Variants in EPS8 observed in about 807,000 individuals in gnomAD.
The protein encoded by EPS8 is epidermal growth factor receptor kinase substrate 8.
In EPS8, 42 loss-of-function variants were observed where a neutral mutation model predicts 103.8. That is an observed-to-expected ratio of 0.40 (90% CI 0.32 to 0.52). The LOEUF (loss-of-function observed/expected upper bound fraction) is 0.52. Among genes scored for constraint, EPS8 ranks in the 20% least tolerant of loss-of-function variants. The pLI is 0.40. For missense variants in EPS8, 969 were observed against 1,005.1 expected (o/e 0.96, Z 0.49); for synonymous variants, 344 against 344.6 (o/e 1.00, Z 0.02).
chr12:15,753,990 C>A (rs1222030480), intron 1 of EPS8, among the ~76,000 whole-genome samples: 1 of 152,196 alleles, frequency 6.6e-6, no homozygotes, highest in African/African-American at 2.4e-5. Context: ...AGGCCAGAGC[C>A]AATGGTTCAC....
rs1944852833 is a variant in EPS8 at position 15,620,973 on chromosome 12, C to T, written c.*344G>A. On this transcript the variant is annotated 3_prime_UTR_variant, in exon 21 of 21. Transcript: ENST00000281172. ...TGCTTAGATTTTGAATCATGGACAA[C>T]ATTGTTGCTTTGTTGCAGTGAATAA... The T allele has an allele frequency of 5.2e-6, 1 of 192,178 alleles. No homozygotes were observed. The highest frequency in any genetic ancestry group is 2.4e-5 in the African/African-American group (1 of 42,368). 11.9% of individuals were successfully genotyped at this position (192,178 alleles called of 1,614,324 possible).
intron 6 of EPS8, among the ~76,000 whole-genome samples, chr12:15,667,300 G>T (rs1945731667): frequency 6.6e-6 from 1 of 152,072 alleles, no homozygotes; most frequent in Admixed American, 6.6e-5. Context: ...CTTTAGAAAT[G>T]ATGGGATATT....
At chr12:15,722,744 C>T (rs1591896387) in intron 1 of EPS8, among the ~76,000 whole-genome samples, 1 of 152,296 alleles carries the variant, frequency 6.6e-6, no homozygotes, top group East Asian at 1.9e-4. Flanking sequence ...TGGTGCCTTC[C>T]TTCTACCAGT....
Position 15,690,769 on chromosome 12 carries a change from C to G in EPS8, c.-21-7797G>C, listed in dbSNP as rs1165877711. Among the ~76,000 whole-genome samples, 1 of 152,146 alleles carries G rather than the reference C, an allele frequency of 6.6e-6. No individual in the cohort carries two copies. The highest frequency in any genetic ancestry group is 1.5e-5 in the Non-Finnish European group (1 of 68,026). On this transcript the variant is annotated intron_variant, in intron 1 of 20. Transcript: ENST00000281172. The surrounding 1 kb of genome is among the most constrained non-coding windows in gnomAD (Gnocchi z 4.7). ...ACGACTAAGCAGGTAAGTTAAAACC[C>G]TCAATTCTTAACTGTTCCTTCTTCC...
In EPS8 at chr12:15,776,222, G is replaced by A. The variant is rs528283982; in HGVS notation, c.-22+12939C>T. Among the ~76,000 whole-genome samples, 2 of 152,270 alleles carry A rather than the reference G, an allele frequency of 1.3e-5. No homozygotes were observed. The highest frequency in any genetic ancestry group is 3.9e-4 in the East Asian group (2 of 5,188). On this transcript the variant is annotated intron_variant, in intron 1 of 20. Transcript: ENST00000281172. This position sits in a 1 kb window ranked among gnomAD's most constrained non-coding sequence, Gnocchi z 4.2. ...ATAGCAAGAATAATTAGAAAGGGAG[G>A]AAGAAGCAGCTGAAATGATCATAGC... is the stretch of plus-strand genomic sequence containing the variant.
rs1272038212 is a variant in EPS8, at chr12:15,764,051, GA to G, written c.-22+25109del. 4.1e-4 allele frequency among the ~76,000 whole-genome samples: 62 copies of G among 152,112 alleles called. No individual in the cohort carries two copies. The highest frequency in any genetic ancestry group is 1.2e-4 in the Non-Finnish European group (8 of 68,016). ...ACATACCTGAGACTAATTTATAAAG[GA>G]AAAGAGGTTTAATGGACTCACAGTT... On this transcript the variant is annotated intron_variant, in intron 1 of 20. Coordinates refer to ENST00000281172, the MANE Select transcript of EPS8 (RefSeq NM_004447.6). The surrounding 1 kb of genome is among the most constrained non-coding windows in gnomAD (Gnocchi z 4.1).
At chr12:15,740,037 T>C (rs1329945879) in intron 1 of EPS8, among the ~76,000 whole-genome samples, 2 of 151,800 alleles carry the variant, frequency 1.3e-5, no homozygotes, top group East Asian at 3.9e-4. Flanking sequence ...AAGAAGCTAC[T>C]CCGAGGTGAC....
rs1391752170 is a variant in EPS8, at chr12:15,785,073, G to T, written c.-22+4088C>A. Among the ~76,000 whole-genome samples, 1 of 152,064 alleles carries T rather than the reference G, an allele frequency of 6.6e-6. No individual in the cohort carries two copies. Among genetic ancestry groups the T allele is most frequent in the Non-Finnish European group, 1.5e-5 (1 of 67,934 alleles). On this transcript the variant is annotated intron_variant, in intron 1 of 20. Coordinates refer to ENST00000281172, the MANE Select transcript of EPS8 (RefSeq NM_004447.6). The surrounding 1 kb of genome is among the most constrained non-coding windows in gnomAD (Gnocchi z 4.9). Reference sequence around the variant, plus strand: ...AATTAAGTATTTGTCAAAACCCAAAGAACTTCACAGGACAAAGAGTAAACT... The same window carrying T: ...AATTAAGTATTTGTCAAAACCCAAATAACTTCACAGGACAAAGAGTAAACT...
In EPS8 at chr12:15,640,846, T is replaced by C; in HGVS notation, c.1678A>G (p.Ile560Val). 3.1e-6 allele frequency: 5 copies of C among 1,613,346 alleles called. No individual in the cohort carries two copies. Among genetic ancestry groups the C allele is most frequent in the Non-Finnish European group, 4.2e-6 (5 of 1,179,714 alleles). ...CACCATTGCTTCCGATCATCAAGTA[T>C]CTGTCATGTACAAGAAAATAAAGGT... ...LSVLKDDILE[I>V]LDDRKQWWKV... Residue 560 changes from isoleucine to valine, a missense_variant and splice_region_variant, in exon 17 of 21, where the codon ATA becomes GTA. Physicochemically the swap from Ile to Val is conservative, Grantham distance 29 (BLOSUM62 3). Transcript: ENST00000281172.
chr12:15,629,602 T>G (rs1296049206), intron 18 of EPS8, among the ~76,000 whole-genome samples: 1 of 152,236 alleles, frequency 6.6e-6, no homozygotes, highest in Non-Finnish European at 1.5e-5. Context: ...ATTATGGTTC[T>G]ACACACTCAC....
intron 1 of EPS8, among the ~76,000 whole-genome samples, chr12:15,709,144 G>A (rs1409346611): frequency 1.3e-5 from 2 of 152,128 alleles, no homozygotes; most frequent in African/African-American, 4.8e-5. Flanking sequence ...AGCATGTACT[G>A]AATGCAAGGC....
chr12:15,759,920 C>A lies in EPS8; in HGVS notation c.-22+29241G>T. On this transcript the variant is annotated intron_variant, in intron 1 of 20. Coordinates refer to ENST00000281172, the MANE Select transcript of EPS8 (RefSeq NM_004447.6). This position sits in a 1 kb window ranked among gnomAD's most constrained non-coding sequence, Gnocchi z 4.9. ...TCTTAAAGAACTAGAAAAGCAAGAG[C>A]AAACCAAACCCAAAATTCATAGAAA... Among the ~76,000 whole-genome samples, 1 of 151,328 alleles carries A rather than the reference C, an allele frequency of 6.6e-6. No homozygotes were observed. Among genetic ancestry groups the A allele is most frequent in the Non-Finnish European group, 1.5e-5 (1 of 67,730 alleles).
At chr12:15,625,900 C>T (rs1415967050) in intron 18 of EPS8, among the ~76,000 whole-genome samples, 1 of 152,142 alleles carries the variant, frequency 6.6e-6, no homozygotes, top group East Asian at 1.9e-4. Context: ...TTTTCCAGTC[C>T]TCTTACTCGG....
At position 15,779,064 on chromosome 12, in the gene EPS8, T is replaced by G. The variant is rs555637816; in HGVS notation, c.-22+10097A>C. Among the ~76,000 whole-genome samples, 1 of 152,128 alleles carries G rather than the reference T, an allele frequency of 6.6e-6. No individual in the cohort carries two copies. Among genetic ancestry groups the G allele is most frequent in the Non-Finnish European group, 1.5e-5 (1 of 68,008 alleles). ...GCCATCTTGGCTCACCACAACCTCC[T>G]GCCTCCCGGGTTCAAGCAATTCTCC... On this transcript the variant is annotated intron_variant, in intron 1 of 20. Transcript: ENST00000281172. The surrounding 1 kb of genome is among the most constrained non-coding windows in gnomAD (Gnocchi z 4.3).
In EPS8 at chr12:15,660,746, A is replaced by C. The variant is rs749432860; in HGVS notation, c.811-6T>G. 2 of 1,491,540 alleles carry C rather than the reference A, an allele frequency of 1.3e-6. No individual in the cohort carries two copies. 92.4% of individuals were successfully genotyped at this position (1,491,540 alleles called of 1,614,324 possible). On this transcript the variant is annotated splice_region_variant and splice_polypyrimidine_tract_variant and intron_variant, in intron 9 of 20. Transcript: ENST00000281172. ...AAAATGTGGTTTAAGATTTGCTGAAATTAGAAATTATAGAATAAAATATAA... is the reference window on the plus strand; with the variant it reads ...AAAATGTGGTTTAAGATTTGCTGAACTTAGAAATTATAGAATAAAATATAA...
chr12:15,633,493 T>C (rs1159533751), intron 17 of EPS8, among the ~76,000 whole-genome samples: 1 of 152,214 alleles, frequency 6.6e-6, no homozygotes, highest in Non-Finnish European at 1.5e-5. Flanking sequence ...TTGCTTTTGC[T>C]ATTCATCAAA....
At chr12:15,628,270 A>C (rs887384393) in intron 18 of EPS8, among the ~76,000 whole-genome samples, 1 of 152,208 alleles carries the variant, frequency 6.6e-6, no homozygotes, top group Non-Finnish European at 1.5e-5. Context: ...ATGTATCACC[A>C]CACTAAAAGA....
chr12:15,672,626 G>A (rs937881294), intron 3 of EPS8: 10 of 393,670 alleles, frequency 2.5e-5, no homozygotes, highest in Non-Finnish European at 4.0e-5. Context: ...AAAAGTGAGC[G>A]ACTGTGATTT....
chr12:15,698,557 TAA>T lies in EPS8; in HGVS notation c.-21-15587_-21-15586del, dbSNP rs62928661. 3.3e-3 allele frequency among the ~76,000 whole-genome samples: 483 copies of T among 147,462 alleles called. 1 individual carries two copies. The highest frequency in any genetic ancestry group is 0.01 in the Middle Eastern group (3 of 288). On this transcript the variant is annotated intron_variant, in intron 1 of 20. Transcript: ENST00000281172. The surrounding 1 kb of genome is among the most constrained non-coding windows in gnomAD (Gnocchi z 4.9). ...TGGAAAAATAAATCTTCATCCTCTT[TAA>T]AAAAAAAAAAAAAATTTAGCTGCTA...
Sources: allele counts gnomAD v4.1 joint callset (sites outside exome capture counted in the v4.1 genomes callset), GRCh38; gene constraint gnomAD v4.1.1; non-coding constraint Gnocchi (gnomAD v3.1); transcripts MANE v1.5; gene names NCBI Gene and HGNC (gene_info 2026-07-23, HGNC 2026-07-21).